MDGA2: variants seen among roughly 807,000 people sequenced by gnomAD.
MDGA2 encodes MAM domain-containing glycosylphosphatidylinositol anchor protein 2.
Under a neutral mutation model 117.8 loss-of-function variants are expected in MDGA2, and 40 were observed. The observed-to-expected ratio is 0.34, with a 90% CI of 0.26 to 0.44. The LOEUF is 0.44. Ranked by LOEUF, MDGA2 falls within the 20% of genes least tolerant of loss-of-function variation. MDGA2 has a pLI of 1.00. For synonymous variants in MDGA2, 452 were observed against 439.0 expected (o/e 1.03, Z -0.37); for missense variants, 1,123 against 1,250.6 (o/e 0.90, Z 1.54).
intron 3 of MDGA2, among the ~76,000 whole-genome samples, chr14:47,190,148 T>G (rs1311391359): frequency 6.6e-6 from 1 of 152,194 alleles, no homozygotes; most frequent in Non-Finnish European, 1.5e-5. Context: ...TTGTGCAAAT[T>G]GAAACATGCC....
chr14:47,622,772 G>A (rs1897073240), intron 1 of MDGA2, among the ~76,000 whole-genome samples: 1 of 152,150 alleles, frequency 6.6e-6, no homozygotes, highest in Non-Finnish European at 1.5e-5. Flanking sequence ...AGAGTTGGGC[G>A]ATTTTCTATG....
At chr14:47,554,573 T>C (rs1443582440) in intron 1 of MDGA2, among the ~76,000 whole-genome samples, 1 of 152,200 alleles carries the variant, frequency 6.6e-6, no homozygotes, top group Non-Finnish European at 1.5e-5. Context: ...GTTTCCCTAA[T>C]TGTATTCATG....
chr14:47,290,650 G>T (rs1357186873), intron 2 of MDGA2, among the ~76,000 whole-genome samples: 4 of 151,978 alleles, frequency 2.6e-5, no homozygotes, highest in African/African-American at 9.7e-5. Context: ...AAGCAACACA[G>T]GTCAGCAGCA....
chr14:46,877,934 T>C (rs1882295951), intron 11 of MDGA2, among the ~76,000 whole-genome samples: 2 of 151,958 alleles, frequency 1.3e-5, no homozygotes, highest in Admixed American at 1.3e-4. Context: ...TGCTGTTTTC[T>C]ACTTCTACTG....
At chr14:47,376,865 G>A (rs1449494867) in intron 1 of MDGA2, among the ~76,000 whole-genome samples, 1 of 152,030 alleles carries the variant, frequency 6.6e-6, no homozygotes, top group African/African-American at 2.4e-5. Context: ...AGGAAAGGGG[G>A]GGCACAAACT....
rs867126697 is a variant in MDGA2, at chr14:47,442,069, G to A, written c.281-140519C>T. On this transcript the variant is annotated intron_variant, in intron 1 of 16. Transcript: ENST00000399232. ...CAGGCTTGTGGTGTAGAAAATGTGGGGGCTCAAACAAACACTACTTGTCAT... is the reference window on the plus strand; with the variant it reads ...CAGGCTTGTGGTGTAGAAAATGTGGAGGCTCAAACAAACACTACTTGTCAT... Among the ~76,000 whole-genome samples the A allele has an allele frequency of 2.6e-5, 4 of 152,066 alleles. No homozygotes were observed. In the South Asian group the frequency reaches 8.3e-4, roughly 31 times the overall value.
At chr14:46,919,636 G>T (rs1440640913) in intron 10 of MDGA2, among the ~76,000 whole-genome samples, 1 of 152,062 alleles carries the variant, frequency 6.6e-6, no homozygotes, top group African/African-American at 2.4e-5. Flanking sequence ...GGCTTCTTAG[G>T]AATCAAGACA....
intron 1 of MDGA2, among the ~76,000 whole-genome samples, chr14:47,347,574 G>C (rs965079383): frequency 2.0e-5 from 3 of 152,180 alleles, no homozygotes; most frequent in Non-Finnish European, 4.4e-5. Flanking sequence ...GAGAAGACAA[G>C]AGGAAATATG....
At chr14:47,074,902 G>A (rs1019193348) in intron 6 of MDGA2, among the ~76,000 whole-genome samples, 1 of 152,096 alleles carries the variant, frequency 6.6e-6, no homozygotes, top group Admixed American at 6.5e-5. Context: ...TTGTCCGCTC[G>A]ATTTTTATGT....
At chr14:46,998,269 T>C (rs1449677634) in intron 8 of MDGA2, among the ~76,000 whole-genome samples, 1 of 151,910 alleles carries the variant, frequency 6.6e-6, no homozygotes, top group Non-Finnish European at 1.5e-5. Context: ...CATGGTGAGA[T>C]CCAGTCTCTA....
intron 4 of MDGA2, among the ~76,000 whole-genome samples, chr14:47,141,463 T>C (rs1012270305): frequency 6.6e-6 from 1 of 152,218 alleles, no homozygotes; most frequent in African/African-American, 2.4e-5. Context: ...TATTCAGCTA[T>C]GAAATAATGA....
intron 2 of MDGA2, among the ~76,000 whole-genome samples, chr14:47,265,480 T>C (rs1265438909): frequency 6.6e-6 from 1 of 152,106 alleles, no homozygotes; most frequent in African/African-American, 2.4e-5. Context: ...AAAAACATTC[T>C]AGAGAGTTTT....
At chr14:47,582,551 T>A (rs1896248085) in intron 1 of MDGA2, among the ~76,000 whole-genome samples, 1 of 151,926 alleles carries the variant, frequency 6.6e-6, no homozygotes, top group Non-Finnish European at 1.5e-5. Flanking sequence ...TAATTTTTAG[T>A]GATTATAATA....
intron 2 of MDGA2, among the ~76,000 whole-genome samples, chr14:47,253,145 T>C (rs551452643): frequency 2.1e-4 from 32 of 152,248 alleles, no homozygotes; most frequent in Non-Finnish European, 2.8e-4. Context: ...AGATGAGATT[T>C]GAGTGAGGAC....
intron 6 of MDGA2, among the ~76,000 whole-genome samples, 196 bp downstream of exon 6, chr14:47,096,658 T>C (rs1354081679): frequency 6.6e-6 from 1 of 152,070 alleles, no homozygotes; most frequent in Admixed American, 6.6e-5. Flanking sequence ...TCAACGCATA[T>C]ATAAAGCACT....
chr14:47,105,642 C>T (rs936828121), intron 5 of MDGA2, among the ~76,000 whole-genome samples: 99 of 151,796 alleles, frequency 6.5e-4, no homozygotes, highest in African/African-American at 2.0e-3. Flanking sequence ...TAATTCTTGT[C>T]GTAAAATAGG....
chr14:47,162,752 A>G (rs1354170553), intron 3 of MDGA2, among the ~76,000 whole-genome samples: 5 of 152,084 alleles, frequency 3.3e-5, no homozygotes, highest in South Asian at 2.1e-4. Context: ...CATGATTTAT[A>G]TATCTTCATA....
At chr14:47,590,687 G>C (rs1896420334) in intron 1 of MDGA2, among the ~76,000 whole-genome samples, 1 of 151,878 alleles carries the variant, frequency 6.6e-6, no homozygotes, top group African/African-American at 2.4e-5. Context: ...CAAAAACAAA[G>C]GATAAATGCT....
intron 8 of MDGA2, among the ~76,000 whole-genome samples, chr14:47,018,803 G>A (rs1186033996): frequency 8.1e-6 from 1 of 122,872 alleles, no homozygotes; most frequent in Non-Finnish European, 1.8e-5. Context: ...GAAAATAGGG[G>A]GAAATCCTTC....
Sources: allele counts gnomAD v4.1 joint callset (sites outside exome capture counted in the v4.1 genomes callset), GRCh38; gene constraint gnomAD v4.1.1; transcripts MANE v1.5; gene names NCBI Gene and HGNC (gene_info 2026-07-23, HGNC 2026-07-21).